Variants in COL24A1 observed in about 807,000 individuals in gnomAD.
The protein encoded by COL24A1 is collagen alpha-1(XXIV) chain.
COL24A1 carries 224 observed loss-of-function variants against 253.9 expected under a neutral mutation model. The ratio of observed to expected loss-of-function variants is 0.88; its 90% CI spans 0.79 to 0.99. The LOEUF (loss-of-function observed/expected upper bound fraction) is 0.99, where lower values mean the gene tolerates loss of function less well. Ranked by LOEUF, COL24A1 falls within the 50% of genes least tolerant of loss-of-function variation. COL24A1 has a pLI of 0.00. For missense variants in COL24A1, 2,131 were observed against 2,068.5 expected (o/e 1.03, Z -0.59); for synonymous variants, 685 against 673.7 (o/e 1.02, Z -0.26).
chr1:85,868,233 G>A (rs1680005162), intron 37 of COL24A1, among the ~76,000 whole-genome samples: 1 of 152,276 alleles, frequency 6.6e-6, no homozygotes, highest in African/African-American at 2.4e-5. Context: ...TAGGAATAAA[G>A]ATCCAAAATA....
intron 7 of COL24A1, among the ~76,000 whole-genome samples, chr1:86,072,254 C>T (rs1319836044): frequency 6.6e-6 from 1 of 152,286 alleles, no homozygotes; most frequent in Admixed American, 6.5e-5. Flanking sequence ...AGCTAAAATC[C>T]ACTGGCTTGA....
intron 6 of COL24A1, 26 bp downstream of exon 6, chr1:86,092,241 A>T (rs1441048464): frequency 6.5e-7 from 1 of 1,536,892 alleles, no homozygotes; most frequent in African/African-American, 1.4e-5. Context: ...TATTACCATA[A>T]TTTCATTTCA....
Position 85,945,018 on chromosome 1 carries a change from T to TTTTTTTTTTTTTTG in COL24A1, c.2562+16230_2562+16231insCAAAAAAAAAAAAA, listed in dbSNP as rs1689173225. 2.3e-5 allele frequency among the ~76,000 whole-genome samples: 2 copies of TTTTTTTTTTTTTTG among 86,838 alleles called. 1 individual carries two copies. The highest frequency in any genetic ancestry group is 8.4e-4 in the East Asian group (2 of 2,380). 57.0% of individuals were successfully genotyped at this position (86,838 alleles called of 152,430 possible). ...TATCATTGTGTTTTTTTTTTTTTTT[T>TTTTTTTTTTTTTTG]TTTTTTTTTTTTTTTTTGAGACAGA... On this transcript the variant is annotated intron_variant, in intron 24 of 59. Transcript: ENST00000370571.
chr1:85,791,130 T>A (rs1239882668), intron 47 of COL24A1, among the ~76,000 whole-genome samples: 1 of 152,200 alleles, frequency 6.6e-6, no homozygotes, highest in Non-Finnish European at 1.5e-5. Context: ...TGGTACAGCA[T>A]CAACAATCAA....
intron 7 of COL24A1, among the ~76,000 whole-genome samples, chr1:86,065,820 G>C (rs1047466323): frequency 3.6e-4 from 53 of 148,182 alleles, no homozygotes; most frequent in African/African-American, 1.3e-3. Context: ...TTAAAAAAAT[G>C]AAGTTGATTA....
chr1:86,107,851 G>A (rs887352988), intron 5 of COL24A1, among the ~76,000 whole-genome samples: 3 of 152,124 alleles, frequency 2.0e-5, no homozygotes, highest in Non-Finnish European at 4.4e-5. Flanking sequence ...AATATATGCA[G>A]TTAAATCATG....
At chr1:85,824,109 G>T (rs1570764586) in intron 43 of COL24A1, among the ~76,000 whole-genome samples, 1 of 152,124 alleles carries the variant, frequency 6.6e-6, no homozygotes, top group Non-Finnish European at 1.5e-5. Flanking sequence ...GATTATCCTG[G>T]ATTATCCATG....
At chr1:85,968,683 T>TTAA (rs1691809138) in intron 22 of COL24A1, among the ~76,000 whole-genome samples, 1 of 150,332 alleles carries the variant, frequency 6.7e-6, no homozygotes, top group Non-Finnish European at 1.5e-5. Flanking sequence ...TTCCACTGGT[T>TTAA]GGTAAGAGCC....
chr1:85,754,934 C>T (rs981329329), intron 55 of COL24A1, among the ~76,000 whole-genome samples: 5 of 152,128 alleles, frequency 3.3e-5, no homozygotes, highest in Admixed American at 6.6e-5. Context: ...TGGCTGAAAA[C>T]ATCACAAATC....
intron 12 of COL24A1, 95 bp from the exon 13 acceptor site, chr1:86,034,018 T>C: frequency 3.3e-6 from 3 of 911,172 alleles, no homozygotes; most frequent in Non-Finnish European, 4.8e-6. Flanking sequence ...AAATATTAAT[T>C]TCCTAACTCT....
Position 85,730,629 on chromosome 1 carries a change from G to C in COL24A1, c.5062C>G (p.Pro1688Ala). The change falls in exon 60 of 60, where the codon CCA (proline) becomes GCA (alanine). Residue 1688 changes from proline to alanine, a missense_variant. Physicochemically the swap from Pro to Ala is conservative, Grantham distance 27. Transcript: ENST00000370571. ...LFHTQEPNQLPVIEVQKLPHL... is the reference protein window; with the variant it reads ...LFHTQEPNQLAVIEVQKLPHL... ...GGAAGTTTTTGTACTTCAATCACTG[G>C]AAGTTGATTAGGTTCCTGGGTGTGA... The C allele has an allele frequency of 1.2e-6, 2 of 1,613,958 alleles. No individual in the cohort carries two copies. The highest frequency in any genetic ancestry group is 1.7e-6 in the Non-Finnish European group (2 of 1,179,870).
chr1:85,889,167 C>A (rs779722635), intron 32 of COL24A1, among the ~76,000 whole-genome samples: 1 of 152,038 alleles, frequency 6.6e-6, no homozygotes, highest in Non-Finnish European at 1.5e-5. Context: ...TTTGGCCCAT[C>A]AGATGTAAAA....
At position 85,785,796 on chromosome 1, in the gene COL24A1, T is replaced by C. The variant is rs149742409; in HGVS notation, c.4059+558A>G. Among the ~76,000 whole-genome samples, 44 of 152,364 alleles carry C rather than the reference T, an allele frequency of 2.9e-4. No homozygotes were observed. The East Asian group carries it at 8.1e-3, about 28-fold the overall frequency. On this transcript the variant is annotated intron_variant, in intron 48 of 59. Coordinates refer to ENST00000370571, the MANE Select transcript of COL24A1 (RefSeq NM_152890.7). ...GCTTTTATGAAAGAGCTTTAGATGT[T>C]GGACTAATTTCTAAGTTGTCTGGGT... is the stretch of plus-strand genomic sequence containing the variant.
chr1:85,921,232 A>T (rs1162808518), intron 24 of COL24A1, among the ~76,000 whole-genome samples: 1 of 152,198 alleles, frequency 6.6e-6, no homozygotes, highest in East Asian at 1.9e-4. Flanking sequence ...CTCCTGCCCA[A>T]ATACTGCAGT....
chr1:85,843,030 A>C (rs565382455), intron 39 of COL24A1, among the ~76,000 whole-genome samples: 15 of 152,232 alleles, frequency 9.9e-5, no homozygotes, highest in East Asian at 1.9e-4. Context: ...AACAAACAAA[A>C]AAAACCTGAA....
At chr1:86,139,772 T>C (rs1650814802) in intron 2 of COL24A1, among the ~76,000 whole-genome samples, 1 of 152,142 alleles carries the variant, frequency 6.6e-6, no homozygotes, top group Non-Finnish European at 1.5e-5. Context: ...AATATGACTG[T>C]TTAAAATAAA....
chr1:86,000,691 C>T (rs529481680), intron 19 of COL24A1, among the ~76,000 whole-genome samples: 3 of 152,338 alleles, frequency 2.0e-5, no homozygotes, highest in African/African-American at 7.2e-5. Flanking sequence ...GTCTTTGTCT[C>T]TAATGAAGAC....
chr1:85,771,778 TTTTATTTA>T (rs200015208), intron 53 of COL24A1, among the ~76,000 whole-genome samples: 108 of 146,668 alleles, frequency 7.4e-4, no homozygotes, highest in African/African-American at 2.0e-3. Flanking sequence ...TGCCTGACTT[TTTTATTTA>T]TTTATTTATT....
chr1:85,987,520 A>G, intron 20 of COL24A1, 81 bp downstream of exon 20: 1 of 1,215,102 alleles, frequency 8.2e-7, no homozygotes, highest in Non-Finnish European at 1.2e-6. Flanking sequence ...TGATATTCCT[A>G]AAATATTTTT....
Sources: allele counts gnomAD v4.1 joint callset (sites outside exome capture counted in the v4.1 genomes callset), GRCh38; gene constraint gnomAD v4.1.1; transcripts MANE v1.5; gene names NCBI Gene and HGNC (gene_info 2026-07-23, HGNC 2026-07-21).